ZNF678: variants seen among roughly 807,000 people sequenced by gnomAD.
ZNF678 encodes hypothetical protein MGC42493.
In ZNF678, 5 loss-of-function variants were observed where a neutral mutation model predicts 3.0. The ratio of observed to expected loss-of-function variants is 1.69; its 90% CI spans 0.88 to 3.56. ZNF678 has a LOEUF of 3.56. ZNF678 is among the 30% of genes most tolerant of loss of function. The pLI is 0.00. For synonymous variants in ZNF678, 218 were observed against 199.6 expected, an observed-to-expected ratio of 1.09 and a Z score of -0.78; for missense variants, 593 against 605.0, an observed-to-expected ratio of 0.98 and a Z score of 0.21.
intron 1 of ZNF678, among the ~76,000 whole-genome samples, chr1:227,619,315 A>G (rs1257730097): frequency 1.3e-5 from 2 of 152,172 alleles, no homozygotes; most frequent in Non-Finnish European, 2.9e-5. Flanking sequence ...GAGTAGTTGT[A>G]TCAATTATTT....
rs75920293 is a variant in ZNF678, at chr1:227,603,305, A to C, written c.-164+39581A>C. Among the ~76,000 whole-genome samples, 698 of 152,222 alleles carry C rather than the reference A, an allele frequency of 4.6e-3. 18 individuals are homozygous for C. The South Asian group carries it at 0.057, about 13-fold the overall frequency. On this transcript the variant is annotated intron_variant, in intron 1 of 3. Coordinates refer to ENST00000343776, the MANE Select transcript of ZNF678 (RefSeq NM_001367909.1). ...CCTGGAAGGATGAATCTATTTTGCTACTTTCTGTTGCCAGGTTGGGGGAAG... is the reference window on the plus strand; with the variant it reads ...CCTGGAAGGATGAATCTATTTTGCTCCTTTCTGTTGCCAGGTTGGGGGAAG...
chr1:227,642,977 C>T (rs905456970), intron 1 of ZNF678, among the ~76,000 whole-genome samples: 1 of 152,062 alleles, frequency 6.6e-6, no homozygotes, highest in Non-Finnish European at 1.5e-5. Context: ...CTCCATCATC[C>T]GGGAACTTTC....
intron 1 of ZNF678, among the ~76,000 whole-genome samples, chr1:227,636,578 T>C (rs1052682723): frequency 1.3e-5 from 2 of 152,206 alleles, no homozygotes; most frequent in Non-Finnish European, 2.9e-5. Flanking sequence ...GACCATAATA[T>C]TGGATGATCC....
downstream of ZNF678, among the ~76,000 whole-genome samples, chr1:227,664,681 G>A (rs1354127447): frequency 2.0e-5 from 3 of 152,120 alleles, no homozygotes; most frequent in Non-Finnish European, 4.4e-5. Flanking sequence ...TTCCTACTGA[G>A]TAAGTTGACT....
chr1:227,676,676 C>T (rs7554130), intron 5 of ZNF678, among the ~76,000 whole-genome samples: 3 of 139,856 alleles, frequency 2.1e-5, no homozygotes, highest in South Asian at 5.4e-4. Flanking sequence ...TCCCCCCTCC[C>T]CCTCCCCACA....
At chr1:227,606,742 GTGTCCC>G (rs1167540533) in intron 1 of ZNF678, among the ~76,000 whole-genome samples, 1 of 151,984 alleles carries the variant, frequency 6.6e-6, no homozygotes, top group Admixed American at 6.6e-5. Context: ...GCAGTGCATC[GTGTCCC>G]TGGTTAATAG....
intron 1 of ZNF678, among the ~76,000 whole-genome samples, chr1:227,605,321 T>C (rs1040242911): frequency 2.0e-5 from 3 of 152,250 alleles, no homozygotes; most frequent in Non-Finnish European, 2.9e-5. Context: ...GCTAAACTTA[T>C]TTCTTTGAGG....
chr1:227,637,985 G>A (rs766158529), intron 1 of ZNF678, among the ~76,000 whole-genome samples: 2 of 152,206 alleles, frequency 1.3e-5, no homozygotes, highest in Admixed American at 6.5e-5. Context: ...TATGGGTGTC[G>A]AAGTCTCTTT....
chr1:227,645,643 T>A (rs1250331035), intron 1 of ZNF678, among the ~76,000 whole-genome samples: 2 of 152,146 alleles, frequency 1.3e-5, no homozygotes, highest in African/African-American at 4.8e-5. Context: ...TGGAGATGGA[T>A]TTGGGTCCTT....
chr1:227,620,656 AG>A (rs1244004934), intron 1 of ZNF678, among the ~76,000 whole-genome samples: 4 of 152,224 alleles, frequency 2.6e-5, no homozygotes, highest in African/African-American at 9.7e-5. Flanking sequence ...TAAAGATAAA[AG>A]GGGCAACACA....
intron 1 of ZNF678, among the ~76,000 whole-genome samples, chr1:227,631,298 A>G (rs559162412): frequency 4.3e-4 from 66 of 152,280 alleles, no homozygotes; most frequent in South Asian, 8.3e-4. Context: ...TCACCAATAT[A>G]ACAGTCCTGC....
intron 1 of ZNF678, among the ~76,000 whole-genome samples, chr1:227,596,289 G>T (rs762312439): frequency 2.6e-5 from 4 of 152,166 alleles, no homozygotes; most frequent in Non-Finnish European, 5.9e-5. Context: ...ACGAACCTAA[G>T]ACAAAACTCC....
intron 1 of ZNF678, among the ~76,000 whole-genome samples, chr1:227,640,866 G>A (rs570313528): frequency 6.6e-5 from 10 of 152,146 alleles, no homozygotes; most frequent in Non-Finnish European, 1.5e-4. Flanking sequence ...ATGGCTGGAG[G>A]GAGATGATAA....
intron 1 of ZNF678, among the ~76,000 whole-genome samples, chr1:227,582,106 C>T (rs1657144076): frequency 6.6e-6 from 1 of 151,842 alleles, no homozygotes; most frequent in African/African-American, 2.4e-5. Context: ...CATTGTCTAC[C>T]TTTTTCTTAT....
chr1:227,637,872 G>A (rs541771683), intron 1 of ZNF678, among the ~76,000 whole-genome samples: 2 of 152,170 alleles, frequency 1.3e-5, no homozygotes, highest in Non-Finnish European at 2.9e-5. Flanking sequence ...CGGGTTCACG[G>A]GCTAAGAGCT....
intron 1 of ZNF678, chr1:227,598,313 T>A (rs931213930): frequency 8.4e-7 from 1 of 1,189,666 alleles, no homozygotes; most frequent in African/African-American, 1.6e-5. Flanking sequence ...CAGGAATAAT[T>A]CTAAACACAA....
In ZNF678 at chr1:227,657,284, C is replaced by G. The variant is rs1313651324; in HGVS notation, c.*1456C>G. 1 of 151,922 alleles carries G rather than the reference C, an allele frequency of 6.6e-6. No individual in the cohort carries two copies. Among genetic ancestry groups the G allele is most frequent in the African/African-American group, 2.4e-5 (1 of 41,404 alleles). 9.4% of individuals were successfully genotyped at this position (151,922 alleles called of 1,614,324 possible). ...CTTTGCCTTTTATTATGCATAAAAG[C>G]TTCCTGAGGCCTCATCAGAAGTTAA... On this transcript the variant is annotated 3_prime_UTR_variant, in exon 4 of 4. Coordinates refer to ENST00000343776, the MANE Select transcript of ZNF678 (RefSeq NM_001367909.1).
intron 1 of ZNF678, among the ~76,000 whole-genome samples, chr1:227,620,754 G>A (rs1031318663): frequency 4.6e-5 from 7 of 152,238 alleles, no homozygotes; most frequent in African/African-American, 9.6e-5. Flanking sequence ...TTGTTGGGCT[G>A]TAGGGTATGA....
At chr1:227,593,888 C>T (rs1490547292) in intron 1 of ZNF678, among the ~76,000 whole-genome samples, 6 of 119,776 alleles carry the variant, frequency 5.0e-5, no homozygotes, top group South Asian at 3.2e-4. Context: ...TTTTGATGTA[C>T]GAACAGCAGT....
Sources: gnomAD v4.1 joint callset for allele counts (sites outside exome capture counted in the v4.1 genomes callset) on GRCh38, gnomAD v4.1.1 for gene constraint, MANE v1.5 for transcripts, NCBI Gene and HGNC (gene_info 2026-07-23, HGNC 2026-07-21) for gene names.